Variants in APH1B observed in about 807,000 individuals in gnomAD.
The protein encoded by APH1B is gamma-secretase subunit APH-1B.
In APH1B, 27 loss-of-function variants were observed where a neutral mutation model predicts 28.2. That is an observed-to-expected ratio of 0.96 (90% CI 0.70 to 1.32). The LOEUF (loss-of-function observed/expected upper bound fraction) is 1.32, where lower values mean the gene tolerates loss of function less well. Ranked by LOEUF, APH1B falls within the 40% of genes most tolerant of loss-of-function variation. The pLI, the probability that APH1B is intolerant of heterozygous loss-of-function variation, is 0.00. For missense variants in APH1B, 305 were observed against 313.6 expected (o/e 0.97, Z 0.21); for synonymous variants, 141 against 124.6 (o/e 1.13, Z -0.88).
intron 5 of APH1B, among the ~76,000 whole-genome samples, chr15:63,302,759 T>C (rs1392208473): frequency 1.3e-5 from 2 of 152,230 alleles, no homozygotes; most frequent in Admixed American, 6.5e-5. Context: ...CTGTGACAGC[T>C]GCGTGGAAAA....
At chr15:63,295,491 A>C (rs566268661) in intron 4 of APH1B, among the ~76,000 whole-genome samples, 16 of 152,348 alleles carry the variant, frequency 1.1e-4, no homozygotes, top group South Asian at 8.3e-4. Flanking sequence ...CATATAGAAA[A>C]AAAGAGTTGA....
At chr15:63,301,498 GA>G (rs2038626736) in intron 4 of APH1B, among the ~76,000 whole-genome samples, 1 of 152,082 alleles carries the variant, frequency 6.6e-6, no homozygotes, top group South Asian at 2.1e-4. Flanking sequence ...GTGTTCCCCA[GA>G]AAAAACCTGG....
chr15:63,287,433 TG>T lies in APH1B; in HGVS notation c.368del (p.Gly123AlafsTer5). Reference sequence around the variant, plus strand: ...TTTTCTTCCTGTTTAGTTTCTGGCTTGGGCTTTGGAATCATGAGTGGAGTAT... The same window carrying T: ...TTTTCTTCCTGTTTAGTTTCTGGCTTGGCTTTGGAATCATGAGTGGAGTAT... ...SMRLLAYVSGLGFGIMSGVFS... is the reference protein window; with the variant it reads ...SMRLLAYVSGXGFGIMSGVFS... On this transcript the variant is annotated frameshift_variant, in exon 4 of 6. Transcript: ENST00000261879. LOFTEE classifies it high-confidence loss of function. The T allele has an allele frequency of 6.2e-7, 1 of 1,613,808 alleles. No individual in the cohort carries two copies. The highest frequency in any genetic ancestry group is 8.5e-7 in the Non-Finnish European group (1 of 1,179,822).
chr15:63,299,703 C>G (rs10152148), intron 4 of APH1B, among the ~76,000 whole-genome samples: 97,618 of 151,790 alleles, frequency 0.64, 32,305 homozygotes, highest in Non-Finnish European at 0.74. Context: ...CGCGCCCAGC[C>G]CCTGAGAGCA....
At chr15:63,292,619 GCCTCAAGCAA>G (rs1253681424) in intron 4 of APH1B, among the ~76,000 whole-genome samples, 1 of 152,066 alleles carries the variant, frequency 6.6e-6, no homozygotes, top group African/African-American at 2.4e-5. Flanking sequence ...CAAACTCCTG[GCCTCAAGCAA>G]TCCTCCTGCC....
chr15:63,302,629 C>A, intron 5 of APH1B, 157 bp downstream of exon 5: 1 of 956,552 alleles, frequency 1.0e-6, no homozygotes, highest in Non-Finnish European at 1.4e-6. Context: ...AGTCTTACCA[C>A]AAAAAGACCA....
In APH1B at chr15:63,304,605, C is replaced by G. The variant is rs1178346155; in HGVS notation, c.607-1009C>G. The stretch of plus-strand genomic sequence containing the variant: ...TTTATATAGTCTGATCAGTTTTTCT[C>G]TTTATGGTTTCACTTTTTGAGCTTT... On this transcript the variant is annotated intron_variant, in intron 5 of 5. Transcript: ENST00000261879. The surrounding 1 kb of genome is among the most constrained non-coding windows in gnomAD (Gnocchi z 5.1). Among the ~76,000 whole-genome samples, 2 of 151,980 alleles carry G rather than the reference C, an allele frequency of 1.3e-5. No homozygotes were observed. Among genetic ancestry groups the G allele is most frequent in the East Asian group, 3.9e-4 (2 of 5,192 alleles).
intron 2 of APH1B, among the ~76,000 whole-genome samples, chr15:63,281,757 C>A (rs1289526690): frequency 6.6e-6 from 1 of 151,180 alleles, no homozygotes; most frequent in Non-Finnish European, 1.5e-5. Flanking sequence ...CATTATTGTT[C>A]CTCTTTTTTT....
At chr15:63,285,917 G>A (rs529107190) in intron 2 of APH1B, among the ~76,000 whole-genome samples, 2 of 152,316 alleles carry the variant, frequency 1.3e-5, no homozygotes, top group Middle Eastern at 3.4e-3. Context: ...TATGTAAAAC[G>A]TTTTAGAATC....
intron 2 of APH1B, among the ~76,000 whole-genome samples, chr15:63,285,339 A>G (rs550030460): frequency 3.9e-5 from 6 of 152,358 alleles, no homozygotes; most frequent in African/African-American, 9.6e-5. Flanking sequence ...TTAATTGTCT[A>G]TTCTTAGAGT....
Position 63,306,283 on chromosome 15 carries a change from GCTCA to G in APH1B, c.*505_*508del, listed in dbSNP as rs1426606673. The stretch of plus-strand genomic sequence containing the variant: ...AAAAGGCTAAAGGGCTATCACCCCT[GCTCA>G]CTGTTTGCGTGTACTTCACCATCTT... On this transcript the variant is annotated 3_prime_UTR_variant, in exon 6 of 6. Transcript: ENST00000261879. The G allele has an allele frequency of 6.5e-6, 1 of 154,642 alleles. No individual in the cohort carries two copies. The highest frequency in any genetic ancestry group is 2.4e-5 in the African/African-American group (1 of 41,458). The allele number at this position is 154,642 out of a possible 1,614,324, so 9.6% of individuals were successfully genotyped here. A position where few individuals can be genotyped will look rare whatever the true frequency, so the allele number is the denominator to read the frequency against.
rs1420667309 is a variant in APH1B, at chr15:63,307,740, CTG to C, written c.*1960_*1961del. On this transcript the variant is annotated 3_prime_UTR_variant, in exon 6 of 6. Coordinates refer to ENST00000261879, the MANE Select transcript of APH1B (RefSeq NM_031301.4). ...TGCTGCTCTGTAGAGTGTGGAAAGT[CTG>C]AGAATATTAGCTTTACTCATCTTGA... 6.6e-6 allele frequency: 1 copy of C among 152,132 alleles called. No individual in the cohort carries two copies. Among genetic ancestry groups the C allele is most frequent in the Non-Finnish European group, 1.5e-5 (1 of 68,024 alleles). 9.4% of individuals were successfully genotyped at this position (152,132 alleles called of 1,614,324 possible). A position where few individuals can be genotyped will look rare whatever the true frequency, so the allele number is the denominator to read the frequency against.
chr15:63,305,591 G>T (rs769461731), intron 5 of APH1B, 23 bp from the exon 6 acceptor site: 1 of 1,612,476 alleles, frequency 6.2e-7, no homozygotes, highest in South Asian at 1.1e-5. Flanking sequence ...TATTACCCAA[G>T]CTGATTTATT....
chr15:63,295,037 A>G (rs1478940948), intron 4 of APH1B, among the ~76,000 whole-genome samples: 1 of 152,180 alleles, frequency 6.6e-6, no homozygotes, highest in African/African-American at 2.4e-5. Flanking sequence ...TTTCTCCCAT[A>G]ACTTACATCC....
At chr15:63,286,375 G>C (rs1393202565) in intron 2 of APH1B, among the ~76,000 whole-genome samples, 183 bp from the exon 3 acceptor site, 1 of 152,134 alleles carries the variant, frequency 6.6e-6, no homozygotes, top group African/African-American at 2.4e-5. Context: ...GGCAATTTTG[G>C]TTGATGTTAG....
rs1472070973 is a variant in APH1B, at chr15:63,307,453, C to G, written c.*1672C>G. ...CTGATAAGCGACTGTGGTTATTCCC[C>G]TAAAGTTTACTTCAGCACTAACACT... On this transcript the variant is annotated 3_prime_UTR_variant, in exon 6 of 6. Transcript: ENST00000261879. The G allele has an allele frequency of 3.9e-5, 6 of 152,200 alleles. No individual in the cohort carries two copies. Among genetic ancestry groups the G allele is most frequent in the Admixed American group, 2.0e-4 (3 of 15,278 alleles). 9.4% of individuals were successfully genotyped at this position (152,200 alleles called of 1,614,324 possible). A position where few individuals can be genotyped will look rare whatever the true frequency, so the allele number is the denominator to read the frequency against.
chr15:63,277,677 C>T lies in APH1B; in HGVS notation c.54C>T (p.Leu18=). The T allele has an allele frequency of 2.5e-6, 4 of 1,610,738 alleles. No individual in the cohort carries two copies. Among genetic ancestry groups the T allele is most frequent in the Non-Finnish European group, 2.5e-6 (3 of 1,178,640 alleles). The change falls in exon 1 of 6, where the codon CTC becomes CTT. Residue 18 remains leucine (L), a synonymous_variant. Coordinates refer to ENST00000261879, the MANE Select transcript of APH1B (RefSeq NM_031301.4). Reference sequence around the variant, plus strand: ...CCTTCATTGCCTTCGGGCCTGCGCTCGCCCTTTATGTCTTCACCATCGCCA... The same window carrying T: ...CCTTCATTGCCTTCGGGCCTGCGCTTGCCCTTTATGTCTTCACCATCGCCA... ...GCAFIAFGPA[L]ALYVFTIATE... is the part of the protein sequence containing the mutation.
intron 4 of APH1B, among the ~76,000 whole-genome samples, chr15:63,288,090 A>C (rs1268733151): frequency 6.6e-6 from 1 of 152,248 alleles, no homozygotes; most frequent in Admixed American, 6.5e-5. Context: ...GGTAGCGTAC[A>C]TAATTAACAT....
At chr15:63,305,169 T>C (rs1203582992) in intron 5 of APH1B, among the ~76,000 whole-genome samples, 1 of 152,264 alleles carries the variant, frequency 6.6e-6, no homozygotes, top group Non-Finnish European at 1.5e-5. Context: ...ATTAGTGTTC[T>C]TTAAATGAAT....
Sources: gnomAD v4.1 joint callset for allele counts (sites outside exome capture counted in the v4.1 genomes callset) on GRCh38, gnomAD v4.1.1 for gene constraint, Gnocchi (gnomAD v3.1) non-coding constraint, MANE v1.5 for transcripts, NCBI Gene and HGNC (gene_info 2026-07-23, HGNC 2026-07-21) for gene names.